The following SESTD1 variants were observed in gnomAD, a reference collection of about 807,000 sequenced individuals.
SESTD1 encodes the protein SEC14 domain and spectrin repeat-containing protein 1.
Under a neutral mutation model 101.7 loss-of-function variants are expected in SESTD1, and 43 were observed. That is an observed-to-expected ratio of 0.42 (90% CI 0.33 to 0.55). SESTD1 has a LOEUF of 0.55. Among genes scored for constraint, SESTD1 ranks in the 20% least tolerant of loss-of-function variants. SESTD1 has a pLI of 0.07. For missense variants in SESTD1, 647 were observed against 815.1 expected (o/e 0.79, Z 2.51); for synonymous variants, 283 against 286.8 (o/e 0.99, Z 0.13).
intron 1 of SESTD1, among the ~76,000 whole-genome samples, chr2:179,198,466 C>G (rs1246665916): frequency 6.6e-6 from 1 of 152,204 alleles, no homozygotes; most frequent in African/African-American, 2.4e-5. Flanking sequence ...TAATAGACAT[C>G]TGCAGAACTC....
At chr2:179,232,473 G>GA (rs1180306127) in intron 1 of SESTD1, among the ~76,000 whole-genome samples, 1 of 150,924 alleles carries the variant, frequency 6.6e-6, no homozygotes. Context: ...GGTTAATCCA[G>GA]AAAAAAAAGA....
intron 5 of SESTD1, among the ~76,000 whole-genome samples, chr2:179,154,313 G>A (rs1338127436): frequency 6.6e-6 from 1 of 150,900 alleles, no homozygotes; most frequent in Admixed American, 6.6e-5. Context: ...GAGGGAGGGA[G>A]GGAGAGAGGG....
intron 4 of SESTD1, among the ~76,000 whole-genome samples, chr2:179,173,787 T>C (rs2045965052): frequency 6.6e-6 from 1 of 151,526 alleles, no homozygotes; most frequent in Admixed American, 6.6e-5. Context: ...CAGGATAGTA[T>C]AAAAGCAGCC....
chr2:179,183,075 G>A lies in SESTD1; in HGVS notation c.164+5C>T, dbSNP rs868814991. The A allele has an allele frequency of 1.3e-6, 2 of 1,581,484 alleles. No individual in the cohort carries two copies. The highest frequency in any genetic ancestry group is 1.7e-4 in the Middle Eastern group (1 of 5,954). On this transcript the variant is annotated splice_donor_5th_base_variant and intron_variant, in intron 3 of 17. Transcript: ENST00000428443. The stretch of plus-strand genomic sequence containing the variant: ...AGATTTAAGAAAAGACACCTTTAGA[G>A]TCACCTTGGAATGCTGAGTAGGTAG...
At chr2:179,193,694 A>G in intron 1 of SESTD1, among the ~76,000 whole-genome samples, 1 of 152,200 alleles carries the variant, frequency 6.6e-6, no homozygotes, top group South Asian at 2.1e-4. Context: ...ATTAGCCCCA[A>G]ACAGCTTGTT....
chr2:179,172,162 C>T lies in SESTD1; in HGVS notation c.327G>A (p.Thr109=), dbSNP rs765983135. Reference sequence around the variant, plus strand: ...CCTTCTCCTTCCAAAAACAAAAATGCGTTACTTTCTTATCCCAGAATTCAT... The same window carrying T: ...CCTTCTCCTTCCAAAAACAAAAATGTGTTACTTTCTTATCCCAGAATTCAT... The part of the protein sequence containing the change: ...KPDEFWDKKV[T]HFCFWKEKDR... The change falls in exon 5 of 18, where the codon ACG becomes ACA. Residue 109 remains threonine, a synonymous_variant. Transcript: ENST00000428443. 8 of 1,609,856 alleles carry T rather than the reference C, an allele frequency of 5.0e-6. No individual in the cohort carries two copies. The highest frequency in any genetic ancestry group is 4.5e-5 in the East Asian group (2 of 44,680).
At chr2:179,110,168 A>C in intron 17 of SESTD1, 140 bp from the exon 18 acceptor site, 1 of 786,604 alleles carries the variant, frequency 1.3e-6, no homozygotes. Context: ...CGGTGATCAT[A>C]CTGTTTGAGC....
intron 1 of SESTD1, among the ~76,000 whole-genome samples, chr2:179,245,212 T>C (rs57098667): frequency 0.29 from 44,009 of 151,770 alleles, 6,727 homozygotes; most frequent in South Asian, 0.43. Flanking sequence ...CTCTACAAAA[T>C]ATTTTTAAAA....
intron 9 of SESTD1, among the ~76,000 whole-genome samples, chr2:179,135,428 AT>A (rs2045118652): frequency 6.6e-6 from 1 of 152,116 alleles, no homozygotes; most frequent in African/African-American, 2.4e-5. Context: ...GAATTAATAT[AT>A]AAACTTGTCC....
At position 179,146,392 on chromosome 2, in the gene SESTD1, T is replaced by A. The variant is rs751591606; in HGVS notation, c.637+10A>T. 1.5e-5 allele frequency: 24 copies of A among 1,604,402 alleles called. No homozygotes were observed. Among genetic ancestry groups the A allele is most frequent in the Non-Finnish European group, 2.0e-5 (23 of 1,173,760 alleles). On this transcript the variant is annotated intron_variant, in intron 8 of 17. Coordinates refer to ENST00000428443, the MANE Select transcript of SESTD1 (RefSeq NM_178123.5). ...CTGGATTATTATCACAAATATTTTT[T>A]AAATCTTACCTGTCTGAAGAACTGT...
chr2:179,103,083 CAT>C lies in SESTD1; in HGVS notation c.*6814_*6815del, dbSNP rs2044307052. Reference sequence around the variant, plus strand: ...GAAAACGGGTGGTGAAAGTTAGTAACATAAACAAACCAGTGCTGTTTCTTCTA... The same window carrying C: ...GAAAACGGGTGGTGAAAGTTAGTAACAAACAAACCAGTGCTGTTTCTTCTA... On this transcript the variant is annotated 3_prime_UTR_variant, in exon 18 of 18. Coordinates refer to ENST00000428443, the MANE Select transcript of SESTD1 (RefSeq NM_178123.5). 6.6e-6 allele frequency: 1 copy of C among 152,056 alleles called. No individual in the cohort carries two copies. Among genetic ancestry groups the C allele is most frequent in the South Asian group, 2.1e-4 (1 of 4,812 alleles). 9.4% of individuals were successfully genotyped at this position (152,056 alleles called of 1,614,324 possible).
chr2:179,124,346 A>G lies in SESTD1; in HGVS notation c.1167+18T>C, dbSNP rs201525175. ...CAGATAATTTGAAGAAAAGAAAAGA[A>G]TCAGAATAGACACTTACATCTTGGG... On this transcript the variant is annotated intron_variant, in intron 11 of 17. Transcript: ENST00000428443. 1 of 1,598,738 alleles carries G rather than the reference A, an allele frequency of 6.3e-7. No individual in the cohort carries two copies. The highest frequency in any genetic ancestry group is 8.5e-7 in the Non-Finnish European group (1 of 1,170,734).
chr2:179,200,026 C>T (rs1457568421), intron 1 of SESTD1, among the ~76,000 whole-genome samples: 9 of 152,290 alleles, frequency 5.9e-5, no homozygotes, highest in African/African-American at 1.4e-4. Context: ...CTAGAAAACC[C>T]CATTGTCTCA....
intron 1 of SESTD1, among the ~76,000 whole-genome samples, chr2:179,242,656 A>T (rs2047172208): frequency 6.6e-6 from 1 of 152,132 alleles, no homozygotes; most frequent in Non-Finnish European, 1.5e-5. Context: ...CCCAAAATAA[A>T]GACAAACCTC....
At chr2:179,194,432 CCCT>C (rs1398814532) in intron 1 of SESTD1, among the ~76,000 whole-genome samples, 1 of 152,120 alleles carries the variant, frequency 6.6e-6, no homozygotes, top group African/African-American at 2.4e-5. Flanking sequence ...TCAGTAGGGG[CCCT>C]CCTCATTTCA....
At chr2:179,242,368 T>A (rs1276426054) in intron 1 of SESTD1, among the ~76,000 whole-genome samples, 1 of 152,140 alleles carries the variant, frequency 6.6e-6, no homozygotes, top group Non-Finnish European at 1.5e-5. Flanking sequence ...AGAATCAACA[T>A]CATTAAAATG....
At chr2:179,131,452 T>C (rs1205504016) in intron 10 of SESTD1, among the ~76,000 whole-genome samples, 2 of 152,194 alleles carry the variant, frequency 1.3e-5, no homozygotes, top group Non-Finnish European at 2.9e-5. Flanking sequence ...CGGTACTTAA[T>C]GCTCATCTGG....
intron 1 of SESTD1, among the ~76,000 whole-genome samples, chr2:179,205,879 G>A (rs761852293): frequency 7.5e-6 from 1 of 133,308 alleles, no homozygotes; most frequent in Non-Finnish European, 1.6e-5. Flanking sequence ...AAAAGAGATG[G>A]CTAATAAAAA....
chr2:179,158,260 T>C (rs567222723), intron 5 of SESTD1, among the ~76,000 whole-genome samples: 107 of 152,334 alleles, frequency 7.0e-4, no homozygotes, highest in African/African-American at 2.5e-3. Context: ...TGAGTTGTTA[T>C]CTGATACATT....
Sources: allele counts gnomAD v4.1 joint callset (sites outside exome capture counted in the v4.1 genomes callset), GRCh38; gene constraint gnomAD v4.1.1; transcripts MANE v1.5; gene names NCBI Gene and HGNC (gene_info 2026-07-23, HGNC 2026-07-21).